Variants in TGS1 observed in about 807,000 individuals in gnomAD.
The protein encoded by TGS1 is trimethylguanosine synthase 1.
A neutral mutation model predicts 92.2 loss-of-function variants in TGS1; 69 were observed. The observed-to-expected ratio is 0.75, with a 90% CI of 0.62 to 0.91. TGS1 has a LOEUF of 0.91. Ranked by LOEUF, TGS1 falls within the 40% of genes least tolerant of loss-of-function variation. The probability of loss-of-function intolerance (pLI) is 0.00; values close to 1 mark genes in which losing one functional copy is unlikely to be tolerated. For missense variants in TGS1, 1,062 were observed against 1,001.2 expected, an observed-to-expected ratio of 1.06 and a Z score of -0.82; for synonymous variants, 345 against 338.1, an observed-to-expected ratio of 1.02 and a Z score of -0.22.
In TGS1 at chr8:55,790,194, C is replaced by T. The variant is rs913308820; in HGVS notation, c.1175C>T (p.Ser392Phe). 45 of 1,613,612 alleles carry T rather than the reference C, an allele frequency of 2.8e-5. No individual in the cohort carries two copies. The highest frequency in any genetic ancestry group is 3.3e-5 in the Non-Finnish European group (39 of 1,179,732). ...TCTGCCTCTTTAGATTCACAGAAGTCTTCAGGAGCAAACACAAGCAAAGAC... is the reference window on the plus strand; with the variant it reads ...TCTGCCTCTTTAGATTCACAGAAGTTTTCAGGAGCAAACACAAGCAAAGAC... ...TDPPAEDSQKSSGANTSKDRP... is the reference protein window; with the variant it reads ...TDPPAEDSQKFSGANTSKDRP... The change falls in exon 5 of 13, where the codon TCT (serine) becomes TTT (phenylalanine). Residue 392 changes from serine to phenylalanine, a missense_variant. Transcript: ENST00000260129.
intron 12 of TGS1, among the ~76,000 whole-genome samples, chr8:55,816,674 G>A (rs1331511954): frequency 6.6e-6 from 1 of 152,066 alleles, no homozygotes; most frequent in East Asian, 1.9e-4. Flanking sequence ...CCTGGCCTTT[G>A]TCTGGCAGAC....
At chr8:55,807,955 T>A (rs1803221346) in intron 10 of TGS1, among the ~76,000 whole-genome samples, 1 of 152,238 alleles carries the variant, frequency 6.6e-6, no homozygotes, top group East Asian at 1.9e-4. Context: ...TTATATGAAG[T>A]TAATGTTAAG....
intron 1 of TGS1, among the ~76,000 whole-genome samples, chr8:55,776,201 C>T (rs897840106): frequency 6.6e-6 from 1 of 151,446 alleles, no homozygotes; most frequent in Non-Finnish European, 1.5e-5. Flanking sequence ...ATTGAGCAAG[C>T]AAGGGGTACG....
At chr8:55,822,778 A>T (rs1371473692) in intron 12 of TGS1, among the ~76,000 whole-genome samples, 1 of 152,182 alleles carries the variant, frequency 6.6e-6, no homozygotes, top group African/African-American at 2.4e-5. Flanking sequence ...AAGGTACCAT[A>T]GAATGACTGG....
rs990683606 is a variant in TGS1 at position 55,825,906 on chromosome 8, G to A, written c.*1203G>A. 1.2e-4 allele frequency among the ~76,000 whole-genome samples: 18 copies of A among 146,274 alleles called. No individual in the cohort carries two copies. Among genetic ancestry groups the A allele is most frequent in the Non-Finnish European group, 2.7e-4 (18 of 67,070 alleles). On this transcript the variant is annotated 3_prime_UTR_variant, in exon 13 of 13. Coordinates refer to ENST00000260129, the MANE Select transcript of TGS1 (RefSeq NM_024831.8). ...TTTTTTTTAGACAGAGTCTTGCTCT[G>A]TCGCCCAGGCTGGAGTGCAATGGCG...
intron 1 of TGS1, among the ~76,000 whole-genome samples, chr8:55,780,254 C>T (rs1337341139): frequency 4.6e-5 from 7 of 150,694 alleles, no homozygotes; most frequent in African/African-American, 1.7e-4. Flanking sequence ...ACTGCAGCCT[C>T]AGCCTTCTGG....
chr8:55,814,534 G>A (rs1391543860), intron 12 of TGS1, among the ~76,000 whole-genome samples: 1 of 151,358 alleles, frequency 6.6e-6, no homozygotes, highest in African/African-American at 2.4e-5. Flanking sequence ...CCAGTTATAA[G>A]AAAAAGGGGC....
At chr8:55,811,901 A>AG (rs1242472477) in intron 11 of TGS1, among the ~76,000 whole-genome samples, 1 of 152,186 alleles carries the variant, frequency 6.6e-6, no homozygotes, top group Non-Finnish European at 1.5e-5. Flanking sequence ...GACAAATATG[A>AG]GGTCATATTT....
chr8:55,787,135 C>G lies in TGS1; in HGVS notation c.1162+75C>G. 5 of 1,002,950 alleles carry G rather than the reference C, an allele frequency of 5.0e-6. No individual in the cohort carries two copies. The South Asian group carries it at 8.3e-5, about 17-fold the overall frequency. 62.1% of individuals were successfully genotyped at this position (1,002,950 alleles called of 1,614,324 possible). ...TTCATTTAGCAAAATAACTACTAAT[C>G]CTTTATTGTAGAGTTAAATAATACC... On this transcript the variant is annotated intron_variant, in intron 4 of 12. Transcript: ENST00000260129.
At chr8:55,781,688 G>C (rs573092050) in intron 1 of TGS1, among the ~76,000 whole-genome samples, 1 of 152,252 alleles carries the variant, frequency 6.6e-6, no homozygotes, top group East Asian at 1.9e-4. Flanking sequence ...TCATCATCCT[G>C]CTGAGTCACC....
rs577392685 is a variant in TGS1, at chr8:55,806,925, T to A, written c.2143+1889T>A. On this transcript the variant is annotated intron_variant, in intron 10 of 12. Transcript: ENST00000260129. ...AACCTTTATTTATTTATTTATTTAA[T>A]TTTTTTTTTTCTTTTTTTTTGAGAC... Among the ~76,000 whole-genome samples the A allele has an allele frequency of 4.4e-3, 639 of 146,480 alleles. 3 individuals are homozygous for A. The highest frequency in any genetic ancestry group is 0.015 in the African/African-American group (590 of 38,998).
rs1812029694 is a variant in TGS1 at position 55,795,889 on chromosome 8, A to G, written c.1368-89A>G. The G allele has an allele frequency of 1.6e-5, 16 of 971,146 alleles. No homozygotes were observed. In the South Asian group the frequency reaches 2.5e-4, roughly 15 times the overall value. 60.2% of individuals were successfully genotyped at this position (971,146 alleles called of 1,614,324 possible). A position where few individuals can be genotyped will look rare whatever the true frequency, so the allele number is the denominator to read the frequency against. ...AGGGAATTAAAATGGTGTAAAAATG[A>G]GTGAAAATGTTAGTTTCATCCTCTT... is the stretch of plus-strand genomic sequence containing the variant. On this transcript the variant is annotated intron_variant, in intron 6 of 12. Transcript: ENST00000260129.
Position 55,798,935 on chromosome 8 carries a change from G to C in TGS1, c.1564G>C (p.Val522Leu), listed in dbSNP as rs753411891. 1.9e-6 allele frequency: 3 copies of C among 1,608,670 alleles called. No homozygotes were observed. In the South Asian group the frequency reaches 3.3e-5, roughly 18 times the overall value. The change falls in exon 8 of 13, where the codon GTT becomes CTT. Residue 522 changes from valine (V) to leucine (L), a missense_variant. Val to Leu is a conservative substitution (Grantham distance 32, BLOSUM62 1). Transcript: ENST00000260129. ...TAAGGTAGAAAAATTCCTCACATGG[G>C]TTAATAAACCAATGGATGAAGAAGC... The part of the protein sequence containing the change: ...LSKVEKFLTW[V>L]NKPMDEEASQ...
intron 10 of TGS1, among the ~76,000 whole-genome samples, chr8:55,808,617 T>C (rs1453823059): frequency 2.0e-5 from 3 of 152,056 alleles, no homozygotes; most frequent in African/African-American, 7.2e-5. Flanking sequence ...CAAGTGATTC[T>C]TCTGCCTCAG....
At position 55,820,287 on chromosome 8, in the gene TGS1, C is replaced by T. The variant is rs140736637; in HGVS notation, c.2440-4294C>T. Reference sequence around the variant, plus strand: ...TTGCTCCAGGCGCAGTGGCTTAAGCCTGTAATCCCAACACTTTGAGAGGCC... The same window carrying T: ...TTGCTCCAGGCGCAGTGGCTTAAGCTTGTAATCCCAACACTTTGAGAGGCC... On this transcript the variant is annotated intron_variant, in intron 12 of 12. Transcript: ENST00000260129. Among the ~76,000 whole-genome samples the T allele has an allele frequency of 1.9e-3, 290 of 152,280 alleles. 2 individuals are homozygous for T. The highest frequency in any genetic ancestry group is 6.5e-3 in the African/African-American group (271 of 41,562).
rs1811344354 is a variant in TGS1 at position 55,774,956 on chromosome 8, A to T, written c.101+1237A>T. Among the ~76,000 whole-genome samples the T allele has an allele frequency of 2.0e-5, 3 of 152,248 alleles. No homozygotes were observed. The East Asian group carries it at 5.8e-4, about 29-fold the overall frequency. On this transcript the variant is annotated intron_variant, in intron 1 of 12. Coordinates refer to ENST00000260129, the MANE Select transcript of TGS1 (RefSeq NM_024831.8). ...AAAAGAAAGCCTGGGAAACTGAACA[A>T]AATGGCTGGGAGGGAGGGCACGGTG...
At chr8:55,779,773 CTATT>C (rs1164414880) in intron 1 of TGS1, among the ~76,000 whole-genome samples, 4 of 152,142 alleles carry the variant, frequency 2.6e-5, no homozygotes, top group African/African-American at 7.2e-5. Flanking sequence ...TTTTAAAACA[CTATT>C]TAATGACCAT....
At chr8:55,782,126 G>T (rs1811581062) in intron 1 of TGS1, among the ~76,000 whole-genome samples, 1 of 151,702 alleles carries the variant, frequency 6.6e-6, no homozygotes, top group South Asian at 2.1e-4. Flanking sequence ...AGGAATATCA[G>T]ATGTCCAGAA....
rs771062833 is a variant in TGS1, at chr8:55,798,984, A to G, written c.1613A>G (p.Asp538Gly). The part of the protein sequence containing the change: ...EEASQESSSH[D>G]NVHDASTSSD... ...GCATCACAGGAATCATCTTCTCATG[A>G]CAATGTGCACGACGCTTCCACAAGT... The change falls in exon 8 of 13, where the codon GAC (aspartate) becomes GGC (glycine). Residue 538 changes from aspartate to glycine, a missense_variant. Transcript: ENST00000260129. The G allele has an allele frequency of 1.7e-5, 28 of 1,613,982 alleles. No homozygotes were observed. In the East Asian group the frequency reaches 6.2e-4, roughly 36 times the overall value.
Sources: allele counts gnomAD v4.1 joint callset (sites outside exome capture counted in the v4.1 genomes callset), GRCh38; gene constraint gnomAD v4.1.1; transcripts MANE v1.5; gene names NCBI Gene and HGNC (gene_info 2026-07-23, HGNC 2026-07-21).